Variants in GRM5 observed in about 807,000 individuals in gnomAD.
GRM5 encodes glutamate metabotropic receptor 5.
Under a neutral mutation model 83.1 loss-of-function variants are expected in GRM5, and 19 were observed. The observed-to-expected ratio is 0.23, with a 90% CI of 0.16 to 0.34. GRM5 has a LOEUF of 0.34. Among genes scored for constraint, GRM5 ranks in the 10% least tolerant of loss-of-function variants. The pLI, the probability that GRM5 is intolerant of heterozygous loss-of-function variation, is 1.00. For synonymous variants in GRM5, 675 were observed against 633.6 expected (o/e 1.07, Z -0.98); for missense variants, 1,160 against 1,588.3 (o/e 0.73, Z 4.58).
intron 2 of GRM5, among the ~76,000 whole-genome samples, chr11:89,036,979 T>G (rs1466232969): frequency 6.6e-6 from 1 of 152,118 alleles, no homozygotes; most frequent in Non-Finnish European, 1.5e-5. Context: ...ATATATCAAA[T>G]GAAATTATTC....
intron 3 of GRM5, among the ~76,000 whole-genome samples, chr11:88,680,912 G>A (rs558732430): frequency 2.6e-5 from 4 of 152,266 alleles, no homozygotes; most frequent in East Asian, 1.9e-4. Context: ...TCATCACAGC[G>A]TCAAATACTA....
intron 2 of GRM5, among the ~76,000 whole-genome samples, chr11:88,953,309 A>G (rs1938518158): frequency 6.6e-6 from 1 of 152,192 alleles, no homozygotes; most frequent in Non-Finnish European, 1.5e-5. Flanking sequence ...ATACACACAC[A>G]TCTATGCCAG....
intron 3 of GRM5, among the ~76,000 whole-genome samples, chr11:88,843,154 T>A (rs1944234157): frequency 2.0e-5 from 3 of 152,248 alleles, no homozygotes. Context: ...CTGTTGGCAC[T>A]ATTTTTCCAA....
intron 2 of GRM5, among the ~76,000 whole-genome samples, chr11:88,909,852 T>C (rs71469223): frequency 0.015 from 2,301 of 152,148 alleles, 26 homozygotes; most frequent in Middle Eastern, 0.055. Flanking sequence ...TGGGGACAAA[T>C]ACGATTTTTC....
chr11:88,981,605 C>CA (rs959333133), intron 2 of GRM5, among the ~76,000 whole-genome samples: 4 of 151,784 alleles, frequency 2.6e-5, no homozygotes, highest in Non-Finnish European at 2.9e-5. Context: ...ATAGTATACA[C>CA]AAAAAAAATT....
At chr11:88,773,366 G>C (rs1402861401) in intron 3 of GRM5, among the ~76,000 whole-genome samples, 1 of 151,956 alleles carries the variant, frequency 6.6e-6, no homozygotes, top group East Asian at 1.9e-4. Flanking sequence ...TCGTCAGGTG[G>C]GTAGATTGCA....
At chr11:88,738,171 T>C (rs1591478718) in intron 3 of GRM5, among the ~76,000 whole-genome samples, 1 of 152,060 alleles carries the variant, frequency 6.6e-6, no homozygotes, top group Non-Finnish European at 1.5e-5. Flanking sequence ...TTTAGCACAA[T>C]TATAAAATCT....
intron 3 of GRM5, among the ~76,000 whole-genome samples, chr11:88,829,642 A>G (rs1943952061): frequency 6.6e-6 from 1 of 152,104 alleles, no homozygotes; most frequent in East Asian, 1.9e-4. Context: ...AGAATTCTTT[A>G]TTTACTAAAT....
intron 3 of GRM5, among the ~76,000 whole-genome samples, chr11:88,786,099 A>G (rs1361681992): frequency 6.6e-6 from 1 of 152,124 alleles, no homozygotes; most frequent in African/African-American, 2.4e-5. Flanking sequence ...TGCCAGGTAC[A>G]TGAATATGAC....
At chr11:88,586,354 A>G (rs1240337290) in intron 7 of GRM5, among the ~76,000 whole-genome samples, 1 of 152,232 alleles carries the variant, frequency 6.6e-6, no homozygotes, top group East Asian at 1.9e-4. Context: ...TCTCTTAGCC[A>G]TGCTGATAAT....
chr11:88,607,076 T>A (rs1455924168), intron 4 of GRM5, among the ~76,000 whole-genome samples: 1 of 152,084 alleles, frequency 6.6e-6, no homozygotes, highest in Non-Finnish European at 1.5e-5. Context: ...CACCTTTAAT[T>A]TCCCCAGTAG....
chr11:88,568,645 T>G (rs1471568951), intron 7 of GRM5, among the ~76,000 whole-genome samples: 2 of 152,142 alleles, frequency 1.3e-5, no homozygotes, highest in African/African-American at 4.8e-5. Flanking sequence ...TTTCTTTGGT[T>G]TCTGTGTGGG....
chr11:88,822,250 A>G (rs1807116247), intron 3 of GRM5, among the ~76,000 whole-genome samples: 1 of 152,168 alleles, frequency 6.6e-6, no homozygotes, highest in Admixed American at 6.5e-5. Flanking sequence ...ATACTTTGAT[A>G]TTGACCTATT....
intron 3 of GRM5, among the ~76,000 whole-genome samples, chr11:88,736,128 G>A (rs1941908902): frequency 6.6e-6 from 1 of 151,952 alleles, no homozygotes; most frequent in Non-Finnish European, 1.5e-5. Context: ...TCAGTTAAAG[G>A]TATTGAACAC....
intron 3 of GRM5, among the ~76,000 whole-genome samples, chr11:88,751,145 C>T (rs1485300784): frequency 1.4e-5 from 2 of 144,902 alleles, no homozygotes; most frequent in Non-Finnish European, 3.0e-5. Flanking sequence ...CATGCAAAAC[C>T]CATCAAGAAA....
chr11:88,945,557 C>A (rs576687024), intron 2 of GRM5, among the ~76,000 whole-genome samples: 2 of 151,668 alleles, frequency 1.3e-5, no homozygotes, highest in African/African-American at 4.8e-5. Flanking sequence ...GATAGACCAA[C>A]GGAACAGAAC....
At chr11:88,844,177 A>G (rs1322461322) in intron 3 of GRM5, among the ~76,000 whole-genome samples, 1 of 152,208 alleles carries the variant, frequency 6.6e-6, no homozygotes, top group African/African-American at 2.4e-5. Context: ...AGGAGATAAT[A>G]AAACTGGTGA....
rs1174351748 is a variant in GRM5, at chr11:88,951,079, GT to G, written c.661+96132del. On this transcript the variant is annotated intron_variant, in intron 2 of 9. Transcript: ENST00000305447. ...TTTTTCTCAAATGGCAGATTAGAGT[GT>G]GTGTGTGTGTGTGTATCTGTGTGTG... is the stretch of plus-strand genomic sequence containing the variant. 6.7e-3 allele frequency among the ~76,000 whole-genome samples: 65 copies of G among 9,690 alleles called. No individual in the cohort carries two copies. The Non-Finnish European group carries it at 0.086, about 13-fold the overall frequency. The allele number at this position is 9,690 out of a possible 152,430, so 6.4% of individuals were successfully genotyped here. A position where few individuals can be genotyped will look rare whatever the true frequency, so the allele number is the denominator to read the frequency against.
chr11:88,956,956 T>C (rs549267463), intron 2 of GRM5, among the ~76,000 whole-genome samples: 6 of 151,728 alleles, frequency 4.0e-5, no homozygotes, highest in East Asian at 2.0e-4. Context: ...AGGAAGGTAA[T>C]GTATGCAAAT....
Sources: allele counts gnomAD v4.1 joint callset (sites outside exome capture counted in the v4.1 genomes callset), GRCh38; gene constraint gnomAD v4.1.1; transcripts MANE v1.5; gene names NCBI Gene and HGNC (gene_info 2026-07-23, HGNC 2026-07-21).